MAGI2: variants seen among roughly 807,000 people sequenced by gnomAD.
MAGI2 encodes the protein membrane associated guanylate kinase, WW and PDZ domain containing 2.
MAGI2 carries 35 observed loss-of-function variants against 133.3 expected under a neutral mutation model. The ratio of observed to expected loss-of-function variants is 0.26; its 90% CI spans 0.20 to 0.35. MAGI2 has a LOEUF of 0.35. Among genes scored for constraint, MAGI2 ranks in the 10% least tolerant of loss-of-function variants. The probability of loss-of-function intolerance (pLI) is 1.00; values close to 1 mark genes in which losing one functional copy is unlikely to be tolerated. For synonymous variants in MAGI2, 729 were observed against 710.6 expected, an observed-to-expected ratio of 1.03 and a Z score of -0.41; for missense variants, 1,636 against 1,863.4, an observed-to-expected ratio of 0.88 and a Z score of 2.25.
chr7:79,066,485 G>A (rs1814345247), intron 1 of MAGI2, among the ~76,000 whole-genome samples: 1 of 151,944 alleles, frequency 6.6e-6, no homozygotes, highest in Non-Finnish European at 1.5e-5. Context: ...CAGATGGATA[G>A]ATTGCAAACA....
Position 78,465,189 on chromosome 7 carries a change from A to G in MAGI2, c.1045+24572T>C, listed in dbSNP as rs1337155694. ...GAATCTGGGCTTCACATACACACAC[A>G]TATGGCATTAGTGAGCTAACCCAGT... is the stretch of plus-strand genomic sequence containing the variant. On this transcript the variant is annotated intron_variant, in intron 6 of 21. Coordinates refer to ENST00000354212, the MANE Select transcript of MAGI2 (RefSeq NM_012301.4). Among the ~76,000 whole-genome samples, 3 of 152,222 alleles carry G rather than the reference A, an allele frequency of 2.0e-5. No individual in the cohort carries two copies. In the East Asian group the frequency reaches 5.8e-4, roughly 29 times the overall value.
intron 3 of MAGI2, among the ~76,000 whole-genome samples, chr7:78,620,796 T>A (rs1361388325): frequency 1.3e-5 from 2 of 152,048 alleles, no homozygotes; most frequent in Non-Finnish European, 2.9e-5. Context: ...CTAGGATCAA[T>A]GACCTTTTCA....
chr7:78,844,743 C>T (rs566341775), intron 2 of MAGI2, among the ~76,000 whole-genome samples: 10 of 151,794 alleles, frequency 6.6e-5, no homozygotes, highest in African/African-American at 2.4e-4. Context: ...GGTAGTTATA[C>T]AACACTGCAA....
At chr7:79,421,382 A>C (rs1228686384) in intron 1 of MAGI2, among the ~76,000 whole-genome samples, 1 of 151,918 alleles carries the variant, frequency 6.6e-6, no homozygotes, top group Non-Finnish European at 1.5e-5. Context: ...ACTATTTATT[A>C]TTATCATTAG....
At chr7:79,114,148 C>G (rs1443910081) in intron 1 of MAGI2, among the ~76,000 whole-genome samples, 1 of 152,132 alleles carries the variant, frequency 6.6e-6, no homozygotes, top group African/African-American at 2.4e-5. Flanking sequence ...CCTGCTGAGA[C>G]TTCTCCAGGT....
At chr7:78,127,471 G>T in intron 18 of MAGI2, 55 bp from the exon 19 acceptor site, 1 of 1,404,894 alleles carries the variant, frequency 7.1e-7, no homozygotes, top group Non-Finnish European at 9.9e-7. Flanking sequence ...AAAGAGGCTA[G>T]AGTGATCACA....
At chr7:78,738,700 C>A (rs1391800580) in intron 2 of MAGI2, among the ~76,000 whole-genome samples, 2 of 152,108 alleles carry the variant, frequency 1.3e-5, no homozygotes, top group Non-Finnish European at 2.9e-5. Flanking sequence ...GATGGCTCAA[C>A]TTCAATATTG....
chr7:78,028,489 T>C (rs888911797), intron 21 of MAGI2, among the ~76,000 whole-genome samples: 1 of 152,206 alleles, frequency 6.6e-6, no homozygotes, highest in Non-Finnish European at 1.5e-5. Flanking sequence ...GAGCCTTCTA[T>C]GTACTAGGAA....
chr7:78,812,276 TA>T (rs1414985860), intron 2 of MAGI2, among the ~76,000 whole-genome samples: 1 of 152,130 alleles, frequency 6.6e-6, no homozygotes, highest in Non-Finnish European at 1.5e-5. Flanking sequence ...ACAGCAGCAG[TA>T]AAAAACTAAT....
chr7:78,281,514 G>GTAAGTTTA (rs1253482850), intron 9 of MAGI2, among the ~76,000 whole-genome samples: 2 of 152,008 alleles, frequency 1.3e-5, no homozygotes, highest in East Asian at 3.9e-4. Context: ...CACCATGATT[G>GTAAGTTTA]TAAGTTTCCT....
At chr7:78,231,447 T>A (rs1385015277) in intron 10 of MAGI2, among the ~76,000 whole-genome samples, 1 of 152,056 alleles carries the variant, frequency 6.6e-6, no homozygotes, top group South Asian at 2.1e-4. Flanking sequence ...GTACAACAAT[T>A]GATGATAAAC....
chr7:78,821,725 A>T (rs1297588493), intron 2 of MAGI2, among the ~76,000 whole-genome samples: 2 of 152,024 alleles, frequency 1.3e-5, no homozygotes, highest in African/African-American at 4.8e-5. Context: ...TCAAACAGTT[A>T]TTCTGCCTAT....
At chr7:78,922,182 GATT>G (rs1799300785) in intron 2 of MAGI2, among the ~76,000 whole-genome samples, 2 of 144,892 alleles carry the variant, frequency 1.4e-5, no homozygotes, top group South Asian at 4.4e-4. Context: ...TTTGGCATCA[GATT>G]ATTTCTTTTT....
intron 1 of MAGI2, among the ~76,000 whole-genome samples, chr7:79,216,287 T>G (rs1830032974): frequency 6.6e-6 from 1 of 151,726 alleles, no homozygotes; most frequent in Non-Finnish European, 1.5e-5. Context: ...CCTTTGTAGC[T>G]CCTCATCCAT....
chr7:78,133,982 C>T (rs949753947), intron 17 of MAGI2: 1 of 152,154 alleles, frequency 6.6e-6, no homozygotes, highest in African/African-American at 2.4e-5. Context: ...TTCCCAGACT[C>T]AGCACTGTTG....
At chr7:78,237,861 A>G (rs935970044) in intron 10 of MAGI2, among the ~76,000 whole-genome samples, 1 of 152,208 alleles carries the variant, frequency 6.6e-6, no homozygotes, top group Non-Finnish European at 1.5e-5. Flanking sequence ...TTTTCAAGTG[A>G]CCAAAACACT....
intron 9 of MAGI2, among the ~76,000 whole-genome samples, chr7:78,312,448 A>G (rs1447297358): frequency 6.6e-6 from 1 of 152,202 alleles, no homozygotes; most frequent in East Asian, 1.9e-4. Context: ...CAGGCAATAT[A>G]TAGAATGGGA....
At chr7:78,562,555 T>C (rs1800516692) in intron 3 of MAGI2, among the ~76,000 whole-genome samples, 1 of 152,220 alleles carries the variant, frequency 6.6e-6, no homozygotes, top group Non-Finnish European at 1.5e-5. Flanking sequence ...TTGATGGTGA[T>C]TTTAAGTGAC....
intron 2 of MAGI2, among the ~76,000 whole-genome samples, chr7:78,847,393 A>C (rs1792720829): frequency 6.6e-6 from 1 of 152,010 alleles, no homozygotes; most frequent in African/African-American, 2.4e-5. Flanking sequence ...AAAGTTTAGA[A>C]GAGGAAGAGA....
Sources: gnomAD v4.1 joint callset for allele counts (sites outside exome capture counted in the v4.1 genomes callset) on GRCh38, gnomAD v4.1.1 for gene constraint, MANE v1.5 for transcripts, NCBI Gene and HGNC (gene_info 2026-07-23, HGNC 2026-07-21) for gene names.